FGF12: variants seen among roughly 807,000 people sequenced by gnomAD.
The protein encoded by FGF12 is fibroblast growth factor 12, also known as fibroblast growth factor 12B.
FGF12 carries 14 observed loss-of-function variants against 23.6 expected under a neutral mutation model. That is an observed-to-expected ratio of 0.59 (90% CI 0.39 to 0.93). The LOEUF (loss-of-function observed/expected upper bound fraction) is 0.93. Among genes scored for constraint, FGF12 ranks in the 40% least tolerant of loss-of-function variants. FGF12 has a pLI of 0.00. For missense variants in FGF12, 175 were observed against 217.8 expected (o/e 0.80, Z 1.24); for synonymous variants, 62 against 77.3 (o/e 0.80, Z 1.04).
chr3:192,386,903 G>C (rs541368684), intron 2 of FGF12, among the ~76,000 whole-genome samples: 2 of 152,188 alleles, frequency 1.3e-5, no homozygotes, highest in Non-Finnish European at 2.9e-5. Flanking sequence ...TACAGGGCTA[G>C]TGCCTTTATA....
At chr3:192,252,863 G>A (rs1291117152) in intron 4 of FGF12, among the ~76,000 whole-genome samples, 2 of 152,136 alleles carry the variant, frequency 1.3e-5, no homozygotes, top group Non-Finnish European at 2.9e-5. Context: ...TATATCAAGT[G>A]TGCTTTTCAC....
intron 4 of FGF12, among the ~76,000 whole-genome samples, chr3:192,270,404 A>G (rs928463278): frequency 6.6e-6 from 1 of 152,116 alleles, no homozygotes; most frequent in Non-Finnish European, 1.5e-5. Context: ...CATTTCATAA[A>G]ACCCCTCATT....
Position 192,514,002 on chromosome 3 carries a change from GT to G in FGF12, c.14-153465del, listed in dbSNP as rs1043899487. ...ACTTATTTGATATTAGTTTGGTGGG[GT>G]TTTTTTCATTCAATTTTTAATGGCC... On this transcript the variant is annotated intron_variant, in intron 2 of 5. Coordinates refer to ENST00000445105, the MANE Select transcript of FGF12 (RefSeq NM_004113.6). The surrounding 1 kb of genome is among the most constrained non-coding windows in gnomAD (Gnocchi z 4.9). Among the ~76,000 whole-genome samples the G allele has an allele frequency of 6.6e-5, 10 of 152,144 alleles. No homozygotes were observed. The highest frequency in any genetic ancestry group is 1.5e-4 in the Non-Finnish European group (10 of 68,014).
intron 4 of FGF12, among the ~76,000 whole-genome samples, chr3:192,246,839 GGA>G (rs997199318): frequency 1.5e-5 from 2 of 131,334 alleles, no homozygotes; most frequent in African/African-American, 2.8e-5. Flanking sequence ...AAAAAAAAAA[GGA>G]GAGAGAGAGA....
intron 2 of FGF12, among the ~76,000 whole-genome samples, chr3:192,719,445 C>T (rs1718965935): frequency 1.3e-5 from 2 of 152,006 alleles, no homozygotes; most frequent in South Asian, 4.2e-4. Flanking sequence ...CAAATCAAAG[C>T]CCATAGTAAA....
At chr3:192,485,760 A>T (rs755146691) in intron 2 of FGF12, among the ~76,000 whole-genome samples, 27 of 152,164 alleles carry the variant, frequency 1.8e-4, no homozygotes, top group Non-Finnish European at 3.2e-4. Flanking sequence ...ATGTGAACAG[A>T]TTCTCTGTAT....
chr3:192,550,500 A>T (rs1022464351), intron 2 of FGF12, among the ~76,000 whole-genome samples: 4 of 151,648 alleles, frequency 2.6e-5, no homozygotes, highest in Non-Finnish European at 5.9e-5. Context: ...CATGAGTTCC[A>T]TGAACCATGG....
chr3:192,187,679 G>A (rs185403267), intron 4 of FGF12, among the ~76,000 whole-genome samples: 35 of 152,274 alleles, frequency 2.3e-4, no homozygotes, highest in African/African-American at 8.4e-4. Context: ...GCTTCCTGAA[G>A]AGGCTGCTTT....
At chr3:192,697,531 G>A (rs564957838) in intron 2 of FGF12, among the ~76,000 whole-genome samples, 39 of 152,148 alleles carry the variant, frequency 2.6e-4, no homozygotes, top group Non-Finnish European at 4.7e-4. Flanking sequence ...CTGGCAGAAG[G>A]CTCAAATGTT....
intron 2 of FGF12, among the ~76,000 whole-genome samples, chr3:192,714,348 G>C (rs572297334): frequency 6.6e-6 from 1 of 152,038 alleles, no homozygotes. Flanking sequence ...AGTGATGGGT[G>C]AGTTTGGAGA....
At chr3:192,677,258 T>C (rs2108702736) in intron 2 of FGF12, among the ~76,000 whole-genome samples, 1 of 152,322 alleles carries the variant, frequency 6.6e-6, no homozygotes, top group Non-Finnish European at 1.5e-5. Context: ...GGCCTAGTTC[T>C]ATAGGCAAAA....
At chr3:192,394,439 T>C (rs1426084859) in intron 2 of FGF12, among the ~76,000 whole-genome samples, 1 of 152,226 alleles carries the variant, frequency 6.6e-6, no homozygotes, top group East Asian at 1.9e-4. Flanking sequence ...GAACTTCATA[T>C]CAAACATATC....
At chr3:192,524,031 A>G (rs902356311) in intron 2 of FGF12, among the ~76,000 whole-genome samples, 5 of 151,836 alleles carry the variant, frequency 3.3e-5, no homozygotes, top group Admixed American at 1.3e-4. Context: ...CATGGTAGAC[A>G]TTTATTTTCT....
chr3:192,219,227 G>A (rs1397624409), intron 4 of FGF12, among the ~76,000 whole-genome samples: 2 of 152,208 alleles, frequency 1.3e-5, no homozygotes, highest in East Asian at 3.9e-4. Flanking sequence ...TAGGACTACA[G>A]GCACTTGCCA....
intron 2 of FGF12, among the ~76,000 whole-genome samples, chr3:192,532,262 G>A (rs1326427057): frequency 6.6e-6 from 1 of 151,920 alleles, no homozygotes; most frequent in Non-Finnish European, 1.5e-5. Context: ...TGAATTTTAG[G>A]ATTTTTTTTT....
intron 2 of FGF12, among the ~76,000 whole-genome samples, chr3:192,490,512 T>C (rs1409818317): frequency 6.6e-6 from 1 of 151,118 alleles, no homozygotes; most frequent in Non-Finnish European, 1.5e-5. Context: ...TACACACATA[T>C]GTATACATTC....
At chr3:192,334,390 G>T (rs1443593985) in intron 4 of FGF12, among the ~76,000 whole-genome samples, 1 of 152,026 alleles carries the variant, frequency 6.6e-6, no homozygotes, top group East Asian at 1.9e-4. Flanking sequence ...CAGACATATG[G>T]AAACTTCCAA....
rs1424785878 is a variant in FGF12 at position 192,263,102 on chromosome 3, CTG to C, written c.228+72257_228+72258del. ...AGCATAGGATTTCTATTTTTCTACT[CTG>C]TACATTCCCTGCAAGACTAGCAAAA... On this transcript the variant is annotated intron_variant, in intron 4 of 5. Transcript: ENST00000445105. Among the ~76,000 whole-genome samples, 4 of 152,146 alleles carry C rather than the reference CTG, an allele frequency of 2.6e-5. No individual in the cohort carries two copies. The East Asian group carries it at 5.8e-4, about 22-fold the overall frequency.
chr3:192,141,183 C>T lies in FGF12; in HGVS notation c.*2826G>A, dbSNP rs993982028. ...TATTTTACTTAAAAAGGAAAAGTGA[C>T]GAATGAATTGAAGACCCAGAAATCA... On this transcript the variant is annotated 3_prime_UTR_variant, in exon 6 of 6. Coordinates refer to ENST00000445105, the MANE Select transcript of FGF12 (RefSeq NM_004113.6). 2 of 92,780 alleles carry T rather than the reference C, an allele frequency of 2.2e-5. No individual in the cohort carries two copies. Among genetic ancestry groups the T allele is most frequent in the South Asian group, 3.6e-4 (1 of 2,768 alleles). 5.7% of individuals were successfully genotyped at this position (92,780 alleles called of 1,614,324 possible). A position where few individuals can be genotyped will look rare whatever the true frequency, so the allele number is the denominator to read the frequency against.
Sources: gnomAD v4.1 joint callset for allele counts (sites outside exome capture counted in the v4.1 genomes callset) on GRCh38, gnomAD v4.1.1 for gene constraint, Gnocchi (gnomAD v3.1) non-coding constraint, MANE v1.5 for transcripts, NCBI Gene and HGNC (gene_info 2026-07-23, HGNC 2026-07-21) for gene names.